Variants in COL15A1 observed in about 807,000 individuals in gnomAD.
COL15A1 encodes collagen alpha-1(XV) chain.
COL15A1 carries 111 observed loss-of-function variants against 165.9 expected under a neutral mutation model. That is an observed-to-expected ratio of 0.67 (90% CI 0.57 to 0.78). COL15A1 has a LOEUF of 0.78. COL15A1 is among the 30% of genes least tolerant of loss of function. COL15A1 has a pLI of 0.00. For missense variants in COL15A1, 1,745 were observed against 1,789.7 expected (o/e 0.98, Z 0.45); for synonymous variants, 659 against 674.8 (o/e 0.98, Z 0.36).
intron 13 of COL15A1, among the ~76,000 whole-genome samples, chr9:99,022,615 T>G (rs944574753): frequency 6.6e-6 from 1 of 152,172 alleles, no homozygotes. Context: ...TCCGCCTCCA[T>G]GTCACCACTT....
intron 5 of COL15A1, among the ~76,000 whole-genome samples, chr9:98,992,847 C>T (rs1838467751): frequency 6.6e-6 from 1 of 152,178 alleles, no homozygotes; most frequent in African/African-American, 2.4e-5. Flanking sequence ...AGGACCATGG[C>T]ACTGCAGGCA....
At position 99,062,383 on chromosome 9, in the gene COL15A1, G is replaced by A. The variant is rs564341620; in HGVS notation, c.3591+79G>A. 4.1e-4 allele frequency: 437 copies of A among 1,065,158 alleles called. 6 individuals carry two copies. In the South Asian group the frequency reaches 5.3e-3, roughly 13 times the overall value. The allele number at this position is 1,065,158 out of a possible 1,614,324, so 66.0% of individuals were successfully genotyped here. A position where few individuals can be genotyped will look rare whatever the true frequency, so the allele number is the denominator to read the frequency against. The stretch of plus-strand genomic sequence containing the variant: ...AGTCCTCCTTGGTATCTAGCACCAA[G>A]CTCTCCAAACTCTGGACAGTCAGCT... On this transcript the variant is annotated intron_variant, in intron 38 of 41. Coordinates refer to ENST00000375001, the MANE Select transcript of COL15A1 (RefSeq NM_001855.5).
In COL15A1 at chr9:99,023,593, A is replaced by G; in HGVS notation, c.1854+144A>G. On this transcript the variant is annotated intron_variant, in intron 14 of 41. Transcript: ENST00000375001. ...CAGTGAGCTCATGGGGGTTCATTCTACTTTTCCTTGTGCTTGTATATATGT... is the reference window on the plus strand; with the variant it reads ...CAGTGAGCTCATGGGGGTTCATTCTGCTTTTCCTTGTGCTTGTATATATGT... 1.2e-5 allele frequency: 7 copies of G among 564,310 alleles called. No individual in the cohort carries two copies. In the South Asian group the frequency reaches 1.7e-4, roughly 14 times the overall value. The allele number at this position is 564,310 out of a possible 1,614,324, so 35.0% of individuals were successfully genotyped here. A position where few individuals can be genotyped will look rare whatever the true frequency, so the allele number is the denominator to read the frequency against.
chr9:99,022,272 G>T (rs936069960), intron 13 of COL15A1, 122 bp downstream of exon 13: 17 of 1,203,840 alleles, frequency 1.4e-5, no homozygotes, highest in Non-Finnish European at 2.1e-5. Context: ...AGACCCTAGG[G>T]CTTTCTGCCT....
chr9:99,040,318 C>T (rs1839379023), intron 22 of COL15A1, among the ~76,000 whole-genome samples: 2 of 152,176 alleles, frequency 1.3e-5, no homozygotes, highest in African/African-American at 4.8e-5. Context: ...TCTCTCTCTT[C>T]CTTGCTTTCT....
At chr9:98,989,078 G>A in intron 4 of COL15A1, 100 bp from the exon 5 acceptor site, 2 of 755,346 alleles carry the variant, frequency 2.6e-6, no homozygotes, top group Non-Finnish European at 2.3e-6. Flanking sequence ...TTTCCCTGTA[G>A]GAGAGTCGGT....
chr9:98,977,965 C>T (rs1316912176), intron 2 of COL15A1, among the ~76,000 whole-genome samples: 1 of 152,114 alleles, frequency 6.6e-6, no homozygotes, highest in Non-Finnish European at 1.5e-5. Context: ...GCCTCCTTTG[C>T]CCCCTCTCCA....
At chr9:99,051,833 T>A (rs959620278) in intron 30 of COL15A1, among the ~76,000 whole-genome samples, 3 of 152,164 alleles carry the variant, frequency 2.0e-5, no homozygotes, top group African/African-American at 7.2e-5. Flanking sequence ...AGGAATATTA[T>A]CCAGAACAGC....
rs1450102108 is a variant in COL15A1, at chr9:98,977,285, T to C, written c.101-8280T>C. Reference sequence around the variant, plus strand: ...CCCAGTCCCCTCCAAAATGGTGGGATGTCTTCCCACCAGCTGTGATCTCCA... The same window carrying C: ...CCCAGTCCCCTCCAAAATGGTGGGACGTCTTCCCACCAGCTGTGATCTCCA... On this transcript the variant is annotated intron_variant, in intron 2 of 41. Transcript: ENST00000375001. 5.3e-5 allele frequency among the ~76,000 whole-genome samples: 8 copies of C among 152,308 alleles called. No homozygotes were observed. The East Asian group carries it at 1.5e-3, about 29-fold the overall frequency.
chr9:99,068,587 T>A lies in COL15A1; in HGVS notation c.3870T>A (p.Ile1290=), dbSNP rs946054499. Residue 1290 remains isoleucine (I), a synonymous_variant, in exon 41 of 42, where the codon ATT becomes ATA. Transcript: ENST00000375001. ...GQVLFNNWDS[I]FSGHGGQFNM... ...TACTTTTTAATAATTGGGACTCAAT[T>A]TTTTCTGGCCACGGAGGTCAGTTCA... The A allele has an allele frequency of 6.5e-6, 10 of 1,544,996 alleles. No individual in the cohort carries two copies. Among genetic ancestry groups the A allele is most frequent in the Non-Finnish European group, 8.7e-6 (10 of 1,155,942 alleles).
At chr9:98,983,379 G>T (rs1404444990) in intron 2 of COL15A1, among the ~76,000 whole-genome samples, 1 of 152,100 alleles carries the variant, frequency 6.6e-6, no homozygotes, top group Non-Finnish European at 1.5e-5. Flanking sequence ...CGCAACCCCG[G>T]TACAGACTCC....
At chr9:99,012,786 A>G (rs1838868096) in intron 9 of COL15A1, among the ~76,000 whole-genome samples, 1 of 131,986 alleles carries the variant, frequency 7.6e-6, no homozygotes, top group Non-Finnish European at 1.5e-5. Context: ...ATCTCGGCTC[A>G]CTGCAACCTC....
chr9:99,028,882 G>T (rs937637712), intron 16 of COL15A1, among the ~76,000 whole-genome samples: 1 of 152,112 alleles, frequency 6.6e-6, no homozygotes, highest in African/African-American at 2.4e-5. Context: ...ACCTCAAAAA[G>T]AATTTATCAA....
In COL15A1 at chr9:98,976,083, A is replaced by G. The variant is rs530266454; in HGVS notation, c.101-9482A>G. Among the ~76,000 whole-genome samples the G allele has an allele frequency of 5.3e-5, 8 of 152,342 alleles. No homozygotes were observed. In the South Asian group the frequency reaches 1.4e-3, roughly 28 times the overall value. ...TTGTAATAGGAGCAGATGACTACTA[A>G]TGGTCACCTAGATAGTGAGCTGCTT... On this transcript the variant is annotated intron_variant, in intron 2 of 41. Transcript: ENST00000375001.
In COL15A1 at chr9:99,024,986, A is replaced by T; in HGVS notation, c.1967A>T (p.Glu656Val). ...CCTGGAGAGGATGGACCTGCTGGTGAACCTGGGCCCCCGGTGAGCAACTGA... is the reference window on the plus strand; with the variant it reads ...CCTGGAGAGGATGGACCTGCTGGTGTACCTGGGCCCCCGGTGAGCAACTGA... ...GSPGEDGPAG[E>V]PGPPGPEGQP... The change falls in exon 15 of 42, where the codon GAA becomes GTA. Residue 656 changes from glutamate to valine, a missense_variant. Physicochemically the swap from Glu to Val is moderately radical, Grantham distance 121. Transcript: ENST00000375001. 1.2e-6 allele frequency: 2 copies of T among 1,613,218 alleles called. No individual in the cohort carries two copies. The highest frequency in any genetic ancestry group is 1.7e-6 in the Non-Finnish European group (2 of 1,179,638).
chr9:99,017,843 T>C (rs1219201962), intron 11 of COL15A1, among the ~76,000 whole-genome samples: 1 of 152,222 alleles, frequency 6.6e-6, no homozygotes, highest in Non-Finnish European at 1.5e-5. Context: ...ATTGAAAACC[T>C]AAAAATGTCA....
At chr9:98,994,405 C>T (rs1029440731) in intron 5 of COL15A1, among the ~76,000 whole-genome samples, 4 of 152,170 alleles carry the variant, frequency 2.6e-5, no homozygotes, top group African/African-American at 9.7e-5. Flanking sequence ...CCCCTCCCAG[C>T]TCCCATTTCT....
intron 23 of COL15A1, chr9:99,040,801 G>A (rs1325472474): frequency 1.7e-6 from 1 of 577,500 alleles, no homozygotes; most frequent in Non-Finnish European, 3.0e-6. Flanking sequence ...TTACAAGCAT[G>A]AGCCCCTGAG....
intron 2 of COL15A1, among the ~76,000 whole-genome samples, chr9:98,978,351 C>G (rs938255718): frequency 1.8e-4 from 28 of 152,184 alleles, no homozygotes; most frequent in African/African-American, 6.5e-4. Flanking sequence ...CCCTGGATCC[C>G]TCAGAGACAC....
Sources: allele counts gnomAD v4.1 joint callset (sites outside exome capture counted in the v4.1 genomes callset), GRCh38; gene constraint gnomAD v4.1.1; transcripts MANE v1.5; gene names NCBI Gene and HGNC (gene_info 2026-07-23, HGNC 2026-07-21).